Variants in CSNK2A2IP observed in about 807,000 individuals in gnomAD.
CSNK2A2IP encodes casein kinase II subunit alpha'-interacting protein.
chr3:88,398,863 T>G, the CSNK2A2IP span, among the ~76,000 whole-genome samples: 2 of 152,168 alleles, frequency 1.3e-5, no homozygotes, highest in East Asian at 3.9e-4. Flanking sequence ...GTGCTAAAAT[T>G]TGTGTAGCTT....
At chr3:88,464,907 A>T in the CSNK2A2IP span, among the ~76,000 whole-genome samples, 5 of 152,300 alleles carry the variant, frequency 3.3e-5, no homozygotes, top group Non-Finnish European at 2.9e-5. Flanking sequence ...CAGATGATGA[A>T]TGGGGGTTTT....
At chr3:88,364,887 T>G in the CSNK2A2IP span, among the ~76,000 whole-genome samples, 25 of 152,314 alleles carry the variant, frequency 1.6e-4, no homozygotes, top group South Asian at 5.0e-3. Flanking sequence ...ATAGCTAACA[T>G]TTATTTAGCA....
the CSNK2A2IP span, among the ~76,000 whole-genome samples, chr3:88,428,260 A>T: frequency 1.3e-5 from 2 of 152,106 alleles, no homozygotes; most frequent in Admixed American, 1.3e-4. Flanking sequence ...TGTACCTCCA[A>T]TGTATCTAGG....
chr3:88,456,657 CTTT>C, the CSNK2A2IP span, among the ~76,000 whole-genome samples: 189 of 140,072 alleles, frequency 1.3e-3, 1 homozygote, highest in South Asian at 5.9e-3. Context: ...TCTTCCTTTC[CTTT>C]TTTTTTTTTT....
chr3:88,441,972 A>G, the CSNK2A2IP span, among the ~76,000 whole-genome samples: 2 of 152,140 alleles, frequency 1.3e-5, no homozygotes, highest in Admixed American at 6.5e-5. Context: ...AAACTTTAAA[A>G]AAGTAATTTG....
chr3:88,377,256 C>T, the CSNK2A2IP span, among the ~76,000 whole-genome samples: 7 of 151,908 alleles, frequency 4.6e-5, no homozygotes, highest in Non-Finnish European at 7.4e-5. Context: ...CATCATCATT[C>T]TTCCCAAACT....
chr3:88,449,820 G>GACAC, the CSNK2A2IP span, among the ~76,000 whole-genome samples: 6,125 of 46,712 alleles, frequency 0.13, 457 homozygotes, highest in Non-Finnish European at 0.2. Flanking sequence ...TTTATATCGA[G>GACAC]ACACACACAC....
the CSNK2A2IP span, among the ~76,000 whole-genome samples, chr3:88,464,613 A>G: frequency 6.6e-6 from 1 of 152,144 alleles, no homozygotes; most frequent in African/African-American, 2.4e-5. Context: ...AAAATATGCG[A>G]TAGACTTTTG....
chr3:88,368,242 C>T, the CSNK2A2IP span, among the ~76,000 whole-genome samples: 1 of 151,794 alleles, frequency 6.6e-6, no homozygotes, highest in Non-Finnish European at 1.5e-5. Flanking sequence ...ACTGGGGATA[C>T]AGTAGTAACA....
the CSNK2A2IP span, among the ~76,000 whole-genome samples, chr3:88,434,887 A>G: frequency 1.3e-5 from 2 of 152,204 alleles, no homozygotes; most frequent in Non-Finnish European, 2.9e-5. Context: ...TGTATTGTCA[A>G]AAAGAGATCC....
the CSNK2A2IP span, among the ~76,000 whole-genome samples, chr3:88,455,921 G>GCA: frequency 2.1e-5 from 3 of 145,408 alleles, no homozygotes; most frequent in Non-Finnish European, 4.6e-5. Context: ...TTTTTTTTGA[G>GCA]TGTGGATATC....
At chr3:88,423,371 T>C in the CSNK2A2IP span, among the ~76,000 whole-genome samples, 1 of 152,168 alleles carries the variant, frequency 6.6e-6, no homozygotes, top group Non-Finnish European at 1.5e-5. Flanking sequence ...CACTTTTTTT[T>C]TCTCCCTTCT....
At chr3:88,458,118 T>C in the CSNK2A2IP span, among the ~76,000 whole-genome samples, 1 of 150,656 alleles carries the variant, frequency 6.6e-6, no homozygotes, top group Non-Finnish European at 1.5e-5. Flanking sequence ...TCACCTCTCT[T>C]AATCCTGATA....
At chr3:88,453,942 G>A in the CSNK2A2IP span, among the ~76,000 whole-genome samples, 2 of 151,984 alleles carry the variant, frequency 1.3e-5, no homozygotes, top group Non-Finnish European at 2.9e-5. Context: ...TTTCATTTGG[G>A]TAAATAAAAG....
At chr3:88,421,421 T>A in the CSNK2A2IP span, among the ~76,000 whole-genome samples, 3 of 152,158 alleles carry the variant, frequency 2.0e-5, no homozygotes, top group East Asian at 5.8e-4. Context: ...ATATTTATAG[T>A]AATTTATTTA....
At chr3:88,411,572 C>T in the CSNK2A2IP span, among the ~76,000 whole-genome samples, 28 of 151,884 alleles carry the variant, frequency 1.8e-4, no homozygotes, top group African/African-American at 6.0e-4. Context: ...TAAACAGATA[C>T]GGATTTTGTA....
the CSNK2A2IP span, among the ~76,000 whole-genome samples, chr3:88,368,256 C>T: frequency 6.6e-6 from 1 of 151,936 alleles, no homozygotes; most frequent in Admixed American, 6.6e-5. Flanking sequence ...AGTAACAAGA[C>T]AGAGCATTTG....
At chr3:88,455,117 A>G in the CSNK2A2IP span, among the ~76,000 whole-genome samples, 1 of 151,768 alleles carries the variant, frequency 6.6e-6, no homozygotes, top group Admixed American at 6.6e-5. Flanking sequence ...CACACATCAC[A>G]TTTTCTCTAT....
chr3:88,420,484 T>G, the CSNK2A2IP span, among the ~76,000 whole-genome samples: 1 of 152,150 alleles, frequency 6.6e-6, no homozygotes, highest in African/African-American at 2.4e-5. Context: ...TTAAATGAGA[T>G]TTATAAAATC....
Sources: allele counts gnomAD v4.1 joint callset (sites outside exome capture counted in the v4.1 genomes callset), GRCh38; gene constraint gnomAD v4.1.1; transcripts MANE v1.5; gene names NCBI Gene and HGNC (gene_info 2026-07-23, HGNC 2026-07-21).